Variants in ANKRD18A observed in about 807,000 individuals in gnomAD.
ANKRD18A encodes the protein ankyrin repeat domain 18A.
ANKRD18A carries 72 observed loss-of-function variants against 110.6 expected under a neutral mutation model. The observed-to-expected ratio is 0.65, with a 90% CI of 0.54 to 0.79. The LOEUF is 0.79. Among genes scored for constraint, ANKRD18A ranks in the 30% least tolerant of loss-of-function variants. The pLI, the probability that ANKRD18A is intolerant of heterozygous loss-of-function variation, is 0.00. For missense variants in ANKRD18A, 934 were observed against 1,163.3 expected (o/e 0.80, Z 2.87); for synonymous variants, 305 against 410.3 (o/e 0.74, Z 3.10).
intron 12 of ANKRD18A, among the ~76,000 whole-genome samples, chr9:38,580,874 G>A (rs1400374406): frequency 6.6e-6 from 1 of 151,340 alleles, no homozygotes; most frequent in Non-Finnish European, 1.5e-5. Context: ...TTCGAACTCA[G>A]CCCCCAGATT....
chr9:38,604,298 G>C (rs1199670130), intron 6 of ANKRD18A: 1 of 151,884 alleles, frequency 6.6e-6, no homozygotes, highest in East Asian at 1.9e-4. Flanking sequence ...CTACATCCCC[G>C]AAGGAAAAAA....
downstream of ANKRD18A, chr9:38,568,750 G>A (rs146724162): frequency 1.0e-6 from 1 of 985,316 alleles, no homozygotes; most frequent in Non-Finnish European, 1.2e-6. Context: ...CTCTGGCCAG[G>A]GCCACAGAAG....
At chr9:38,614,836 T>C (rs1468637669) in intron 3 of ANKRD18A, among the ~76,000 whole-genome samples, 1 of 152,222 alleles carries the variant, frequency 6.6e-6, no homozygotes. Flanking sequence ...TAGACTCTTA[T>C]CTAAGTTGCT....
rs1330442661 is a variant in ANKRD18A, at chr9:38,611,259, T to C, written c.558A>G (p.Leu186=). 5.9e-6 allele frequency: 9 copies of C among 1,531,332 alleles called. No homozygotes were observed. The Middle Eastern group carries it at 1.0e-3, about 174-fold the overall frequency. The allele number at this position is 1,531,332 out of a possible 1,614,324, so 94.9% of individuals were successfully genotyped here. The change falls in exon 4 of 16, where the codon TTA becomes TTG. Residue 186 remains leucine, a synonymous_variant. Coordinates refer to ENST00000399703, the MANE Select transcript of ANKRD18A (RefSeq NM_147195.4). The stretch of plus-strand genomic sequence containing the variant: ...CATGTATATTTGCCTGGTTCTTCAA[T>C]AAAAATTCCACCATATGCTGTCTCC... The part of the protein sequence containing the change: ...NSRRQHMVEF[L]LKNQANIHAV...
chr9:38,570,383 G>A (rs1487837553), downstream of ANKRD18A, among the ~76,000 whole-genome samples: 5 of 151,946 alleles, frequency 3.3e-5, no homozygotes. Flanking sequence ...AGCCACTAAG[G>A]CCCCACACTG....
downstream of ANKRD18A, among the ~76,000 whole-genome samples, chr9:38,570,259 A>G (rs534568134): frequency 6.6e-6 from 1 of 151,770 alleles, no homozygotes; most frequent in South Asian, 2.1e-4. Context: ...TCGCACTGAC[A>G]AGACCACAAT....
intron 12 of ANKRD18A, among the ~76,000 whole-genome samples, chr9:38,584,971 A>AT (rs1296993285): frequency 1.3e-5 from 2 of 152,110 alleles, no homozygotes; most frequent in African/African-American, 4.8e-5. Flanking sequence ...AATCAAAGTT[A>AT]TTTTACCCCC....
rs1033826558 is a variant in ANKRD18A at position 38,618,448 on chromosome 9, C to T, written c.206+1632G>A. ...CTCCACCTATTGCCACCTTCAATGG[C>T]CACATACCATTCTATGGGTTCTTGT... On this transcript the variant is annotated intron_variant, in intron 1 of 15. Coordinates refer to ENST00000399703, the MANE Select transcript of ANKRD18A (RefSeq NM_147195.4). 2.6e-5 allele frequency among the ~76,000 whole-genome samples: 4 copies of T among 152,154 alleles called. 1 individual carries two copies. The South Asian group carries it at 8.3e-4, about 32-fold the overall frequency.
At chr9:38,577,457 T>A (rs903098106) in intron 13 of ANKRD18A, among the ~76,000 whole-genome samples, 193 bp from the exon 14 acceptor site, 1 of 152,266 alleles carries the variant, frequency 6.6e-6, no homozygotes. Flanking sequence ...TTTAAAAAAA[T>A]TTGAAATCAT....
Position 38,595,564 on chromosome 9 carries a change from T to C in ANKRD18A, c.1776A>G (p.Arg592=), listed in dbSNP as rs766245715. Reference sequence around the variant, plus strand: ...TATATTCTTTCATTAATTCCTTATTTCTTTCTTCTAGAAGATCTTCCTTTC... The same window carrying C: ...TATATTCTTTCATTAATTCCTTATTCCTTTCTTCTAGAAGATCTTCCTTTC... ...ENGKEDLLEE[R]NKELMKEYNY... is the part of the protein sequence containing the mutation. The change falls in exon 9 of 16, where the codon AGA becomes AGG. Residue 592 remains arginine (R), a synonymous_variant. Coordinates refer to ENST00000399703, the MANE Select transcript of ANKRD18A (RefSeq NM_147195.4). 6.5e-7 allele frequency: 1 copy of C among 1,543,866 alleles called. No individual in the cohort carries two copies. Among genetic ancestry groups the C allele is most frequent in the South Asian group, 1.2e-5 (1 of 81,122 alleles).
At chr9:38,574,053 C>T (rs1823774773) in intron 15 of ANKRD18A, among the ~76,000 whole-genome samples, 1 of 152,156 alleles carries the variant, frequency 6.6e-6, no homozygotes, top group South Asian at 2.1e-4. Context: ...AACCCTGGCC[C>T]ACTCTGTCCC....
At position 38,593,914 on chromosome 9, in the gene ANKRD18A, C is replaced by T; in HGVS notation, c.1855-5G>A. ...TTGAAATTCTCTCACAATCACCTGA[C>T]AAAATATTTTTGTTACCAATTTTAT... On this transcript the variant is annotated splice_region_variant and splice_polypyrimidine_tract_variant and intron_variant, in intron 9 of 15. Transcript: ENST00000399703. The T allele has an allele frequency of 6.8e-7, 1 of 1,463,478 alleles. No individual in the cohort carries two copies. Among genetic ancestry groups the T allele is most frequent in the East Asian group, 2.6e-5 (1 of 38,676 alleles). The allele number at this position is 1,463,478 out of a possible 1,614,324, so 90.7% of individuals were successfully genotyped here.
intron 12 of ANKRD18A, among the ~76,000 whole-genome samples, chr9:38,580,397 G>A (rs998883312): frequency 2.0e-5 from 3 of 152,124 alleles, no homozygotes; most frequent in Admixed American, 6.5e-5. Flanking sequence ...GTTGCCCAGA[G>A]CCCAGACTAC....
intron 3 of ANKRD18A, 83 bp downstream of exon 3, chr9:38,615,511 T>C (rs1825811640): frequency 1.4e-6 from 2 of 1,436,486 alleles, no homozygotes; most frequent in African/African-American, 1.4e-5. Context: ...CAGGAATACT[T>C]GAGTTCCAAA....
At chr9:38,613,274 C>G (rs1024783492) in intron 3 of ANKRD18A, among the ~76,000 whole-genome samples, 55 of 151,650 alleles carry the variant, frequency 3.6e-4, no homozygotes, top group Non-Finnish European at 5.9e-4. Context: ...TTTCTTAAGC[C>G]TGAGGTCCAG....
chr9:38,601,033 A>T, intron 8 of ANKRD18A, 98 bp downstream of exon 8: 2 of 1,028,680 alleles, frequency 1.9e-6, no homozygotes, highest in Non-Finnish European at 2.8e-6. Flanking sequence ...TTCTAAAAGG[A>T]TAGTCTAAAA....
chr9:38,572,643 G>GT (rs1401068491), intron 15 of ANKRD18A: 2 of 153,594 alleles, frequency 1.3e-5, no homozygotes, highest in Non-Finnish European at 2.9e-5. Context: ...GCAGAATGCA[G>GT]TAAGTGGTGA....
At position 38,596,213 on chromosome 9, in the gene ANKRD18A, T is replaced by C; in HGVS notation, c.1127A>G (p.Asn376Ser). 6.5e-7 allele frequency: 1 copy of C among 1,537,288 alleles called. No individual in the cohort carries two copies. Among genetic ancestry groups the C allele is most frequent in the Non-Finnish European group, 8.8e-7 (1 of 1,141,666 alleles). Residue 376 changes from asparagine to serine, a missense_variant, in exon 9 of 16, where the codon AAT becomes AGT. Transcript: ENST00000399703. ...CACTGTTTTTGTTATCATTTTTTCA[T>C]TGAGTCTTACACTCTTTTCAAAGTT... is the stretch of plus-strand genomic sequence containing the variant. ...NANFEKSVRL[N>S]EKMITKTVAR... is the part of the protein sequence containing the mutation.
intron 4 of ANKRD18A, 34 bp downstream of exon 4, chr9:38,611,181 G>A: frequency 1.3e-6 from 2 of 1,520,808 alleles, no homozygotes; most frequent in Non-Finnish European, 1.8e-6. Context: ...AGGTTTTTAG[G>A]AAAAAAGAAA....
Sources: allele counts gnomAD v4.1 joint callset (sites outside exome capture counted in the v4.1 genomes callset), GRCh38; gene constraint gnomAD v4.1.1; transcripts MANE v1.5; gene names NCBI Gene and HGNC (gene_info 2026-07-23, HGNC 2026-07-21).